The following FUT8 variants were observed in gnomAD, a reference collection of about 807,000 sequenced individuals.
The protein encoded by FUT8 is alpha-(1,6)-fucosyltransferase.
FUT8 carries 29 observed loss-of-function variants against 71.3 expected under a neutral mutation model. The observed-to-expected ratio is 0.41, with a 90% CI of 0.30 to 0.55. The LOEUF (loss-of-function observed/expected upper bound fraction) is 0.55. FUT8 is among the 20% of genes least tolerant of loss of function. The pLI is 0.34. For missense variants in FUT8, 544 were observed against 702.1 expected, an observed-to-expected ratio of 0.77 and a Z score of 2.55; for synonymous variants, 254 against 239.3, an observed-to-expected ratio of 1.06 and a Z score of -0.57.
intron 2 of FUT8, among the ~76,000 whole-genome samples, chr14:65,536,022 A>T (rs1047879022): frequency 1.3e-5 from 2 of 151,950 alleles, no homozygotes; most frequent in Non-Finnish European, 2.9e-5. Flanking sequence ...TAAACCTTTT[A>T]CCATTATGTC....
At chr14:65,604,649 T>A (rs1888475887) in intron 3 of FUT8, among the ~76,000 whole-genome samples, 1 of 151,728 alleles carries the variant, frequency 6.6e-6, no homozygotes, top group Admixed American at 6.6e-5. Context: ...TCAAAAAGTC[T>A]GAAAGAGCAC....
At chr14:65,497,830 T>C (rs2066582926) in intron 2 of FUT8, among the ~76,000 whole-genome samples, 2 of 152,116 alleles carry the variant, frequency 1.3e-5, no homozygotes, top group East Asian at 3.8e-4. Flanking sequence ...CTATAAAATA[T>C]GTCATATTTT....
intron 7 of FUT8, among the ~76,000 whole-genome samples, chr14:65,697,353 T>G (rs1181919909): frequency 1.3e-5 from 2 of 152,212 alleles, no homozygotes; most frequent in African/African-American, 2.4e-5. Context: ...TTCATCAGTC[T>G]TATTGATGTG....
intron 6 of FUT8, among the ~76,000 whole-genome samples, chr14:65,646,783 G>A (rs989619899): frequency 1.3e-5 from 2 of 152,028 alleles, no homozygotes; most frequent in Non-Finnish European, 2.9e-5. Context: ...CATCAAGTAA[G>A]TTGTAGATAT....
intron 7 of FUT8, among the ~76,000 whole-genome samples, chr14:65,711,768 C>T (rs1292145716): frequency 6.6e-6 from 1 of 151,914 alleles, no homozygotes; most frequent in Non-Finnish European, 1.5e-5. Context: ...ATTCAGGCAA[C>T]AAATGTCATG....
intron 2 of FUT8, among the ~76,000 whole-genome samples, chr14:65,504,668 G>C (rs992118930): frequency 2.0e-5 from 3 of 152,250 alleles, no homozygotes; most frequent in Non-Finnish European, 4.4e-5. Context: ...TCCTGCCTCA[G>C]CCTCCTGAAT....
At chr14:65,440,409 G>A (rs1449740497) in intron 1 of FUT8, among the ~76,000 whole-genome samples, 1 of 151,402 alleles carries the variant, frequency 6.6e-6, no homozygotes, top group Non-Finnish European at 1.5e-5. Context: ...TAGAATTCCT[G>A]GGCACAAGCA....
At chr14:65,680,666 T>A (rs1892994698) in intron 7 of FUT8, among the ~76,000 whole-genome samples, 1 of 152,244 alleles carries the variant, frequency 6.6e-6, no homozygotes, top group Non-Finnish European at 1.5e-5. Context: ...AGTATACGTT[T>A]CTTTAACTTG....
At chr14:65,702,582 A>T (rs928798121) in intron 7 of FUT8, among the ~76,000 whole-genome samples, 4 of 152,174 alleles carry the variant, frequency 2.6e-5, no homozygotes, top group Non-Finnish European at 5.9e-5. Context: ...TATATGGAAA[A>T]AAAGGAGTCT....
At chr14:65,521,161 A>T (rs1476012501) in intron 2 of FUT8, among the ~76,000 whole-genome samples, 1 of 152,114 alleles carries the variant, frequency 6.6e-6, no homozygotes, top group Non-Finnish European at 1.5e-5. Context: ...GTATAAAAGT[A>T]TGAATCTTAT....
chr14:65,371,393 A>G, the FUT8 span, among the ~76,000 whole-genome samples: 3 of 152,244 alleles, frequency 2.0e-5, no homozygotes, highest in Non-Finnish European at 4.4e-5. Flanking sequence ...ATGTATTACT[A>G]TCATTCAATA....
rs146166296 is a variant in FUT8 at position 65,532,162 on chromosome 14, G to A, written c.-227-29175G>A. ...AGTAATGGGATTCCTGGATCGAATG[G>A]TAGTTCAATTTTTAGCTCTTTGAGA... On this transcript the variant is annotated intron_variant, in intron 2 of 10. Transcript: ENST00000673929. Among the ~76,000 whole-genome samples the A allele has an allele frequency of 5.0e-3, 766 of 152,244 alleles. 7 individuals are homozygous for A. Among genetic ancestry groups the A allele is most frequent in the Admixed American group, 0.011 (165 of 15,296 alleles).
chr14:65,628,446 C>T (rs1461817518), intron 5 of FUT8, among the ~76,000 whole-genome samples: 1 of 152,024 alleles, frequency 6.6e-6, no homozygotes, highest in African/African-American at 2.4e-5. Flanking sequence ...AGCAGGGAGA[C>T]CTTGTTAGGA....
At chr14:65,570,131 G>T (rs186776151) in intron 3 of FUT8, among the ~76,000 whole-genome samples, 6 of 152,122 alleles carry the variant, frequency 3.9e-5, no homozygotes, top group African/African-American at 1.2e-4. Flanking sequence ...TGTAAATTTC[G>T]TAAGACTATG....
intron 7 of FUT8, among the ~76,000 whole-genome samples, chr14:65,707,003 A>G (rs1278849162): frequency 6.6e-6 from 1 of 152,146 alleles, no homozygotes; most frequent in Non-Finnish European, 1.5e-5. Flanking sequence ...GGTATGGTGT[A>G]TTCTTTTAGA....
In FUT8 at chr14:65,675,724, T is replaced by G. The variant is rs973033572; in HGVS notation, c.835+6244T>G. On this transcript the variant is annotated intron_variant, in intron 7 of 10. Coordinates refer to ENST00000673929, the MANE Select transcript of FUT8 (RefSeq NM_001371533.1). Reference sequence around the variant, plus strand: ...AATAAGAGAGGCCGGGCGCGGTGGCTCACGCCTGTAATCCCAGTACTTTGG... The same window carrying G: ...AATAAGAGAGGCCGGGCGCGGTGGCGCACGCCTGTAATCCCAGTACTTTGG... 3.3e-5 allele frequency among the ~76,000 whole-genome samples: 5 copies of G among 152,176 alleles called. No homozygotes were observed. The South Asian group carries it at 1.0e-3, about 32-fold the overall frequency.
At chr14:65,368,017 TAAAAA>T in the FUT8 span, among the ~76,000 whole-genome samples, 1 of 147,588 alleles carries the variant, frequency 6.8e-6, no homozygotes, top group African/African-American at 2.5e-5. Context: ...AGTAACCACT[TAAAAA>T]AAAAGTAAAA....
chr14:65,515,305 C>G (rs1034843372), intron 2 of FUT8, among the ~76,000 whole-genome samples: 11 of 151,966 alleles, frequency 7.2e-5, no homozygotes, highest in Admixed American at 5.9e-4. Context: ...GGGGACTCTA[C>G]AATAGCTTAC....
At chr14:65,555,383 G>C (rs1885534091) in intron 2 of FUT8, among the ~76,000 whole-genome samples, 1 of 152,116 alleles carries the variant, frequency 6.6e-6, no homozygotes, top group African/African-American at 2.4e-5. Context: ...TAGCTACCCA[G>C]TATTTAATTT....
Sources: gnomAD v4.1 joint callset for allele counts (sites outside exome capture counted in the v4.1 genomes callset) on GRCh38, gnomAD v4.1.1 for gene constraint, MANE v1.5 for transcripts, NCBI Gene and HGNC (gene_info 2026-07-23, HGNC 2026-07-21) for gene names.